The following SYNPR variants were observed in gnomAD, a reference collection of about 807,000 sequenced individuals.
SYNPR encodes synaptoporin.
SYNPR carries 23 observed loss-of-function variants against 32.9 expected under a neutral mutation model. That is an observed-to-expected ratio of 0.70 (90% CI 0.50 to 0.99). The LOEUF (loss-of-function observed/expected upper bound fraction) is 0.99, where lower values mean the gene tolerates loss of function less well. SYNPR is among the 50% of genes least tolerant of loss of function. SYNPR has a pLI of 0.00. For synonymous variants in SYNPR, 146 were observed against 135.9 expected (o/e 1.07, Z -0.52); for missense variants, 318 against 349.3 (o/e 0.91, Z 0.71).
In SYNPR at chr3:63,404,198, A is replaced by T. The variant is rs535282634; in HGVS notation, c.85-76634A>T. ...AGCTGAATGTTAATTAGATGTCAAC[A>T]ATAATTATGGTGATTACGTTTTTTG... On this transcript the variant is annotated intron_variant, in intron 2 of 5. Coordinates refer to ENST00000478300, the MANE Select transcript of SYNPR (RefSeq NM_001130003.2). Among the ~76,000 whole-genome samples, 5 of 152,310 alleles carry T rather than the reference A, an allele frequency of 3.3e-5. No individual in the cohort carries two copies. In the South Asian group the frequency reaches 1.0e-3, roughly 32 times the overall value.
chr3:63,229,889 CTAGTTT>C, intron 1 of SYNPR, among the ~76,000 whole-genome samples: 2 of 152,228 alleles, frequency 1.3e-5, no homozygotes, highest in Middle Eastern at 6.8e-3. Context: ...CATGAAATCA[CTAGTTT>C]TAAAGTCTAG....
intron 4 of SYNPR, among the ~76,000 whole-genome samples, chr3:63,592,358 G>A (rs990571449): frequency 4.6e-5 from 7 of 151,992 alleles, no homozygotes; most frequent in Non-Finnish European, 5.9e-5. Context: ...CCAATATAAC[G>A]AGATTAAAAC....
At chr3:63,409,130 T>C (rs2088427956) in intron 2 of SYNPR, among the ~76,000 whole-genome samples, 1 of 152,136 alleles carries the variant, frequency 6.6e-6, no homozygotes, top group African/African-American at 2.4e-5. Context: ...ATATCATTTG[T>C]TCATTCCTCA....
chr3:63,442,186 T>TGTGTGTGTGC (rs1177348502), intron 2 of SYNPR, among the ~76,000 whole-genome samples: 1 of 140,840 alleles, frequency 7.1e-6, no homozygotes, highest in South Asian at 2.2e-4. Flanking sequence ...TGTGTGTGTG[T>TGTGTGTGTGC]GCACGCATGA....
intron 1 of SYNPR, among the ~76,000 whole-genome samples, chr3:63,243,823 T>C (rs2086265376): frequency 6.6e-6 from 1 of 152,144 alleles, no homozygotes; most frequent in Non-Finnish European, 1.5e-5. Flanking sequence ...ATTTTTCTTT[T>C]GTTTTTTACT....
At chr3:63,522,100 A>C (rs1316324070) in intron 3 of SYNPR, among the ~76,000 whole-genome samples, 1 of 152,238 alleles carries the variant, frequency 6.6e-6, no homozygotes, top group Non-Finnish European at 1.5e-5. Flanking sequence ...ACAATTGTAC[A>C]TAAACTCATG....
chr3:63,596,255 T>C (rs1390756576), intron 4 of SYNPR, among the ~76,000 whole-genome samples: 1 of 147,254 alleles, frequency 6.8e-6, no homozygotes, highest in Non-Finnish European at 1.5e-5. Flanking sequence ...CCTCAATTCC[T>C]TCCCCCCTTC....
intron 3 of SYNPR, among the ~76,000 whole-genome samples, chr3:63,525,041 G>A (rs1238221932): frequency 1.3e-5 from 2 of 152,016 alleles, no homozygotes; most frequent in Admixed American, 6.6e-5. Context: ...GATTCAGATA[G>A]CACCACTAAA....
chr3:63,319,785 A>G (rs1455967251), intron 2 of SYNPR, among the ~76,000 whole-genome samples: 3 of 152,012 alleles, frequency 2.0e-5, no homozygotes, highest in Non-Finnish European at 2.9e-5. Context: ...CTAAAATTTA[A>G]AAAGAAATTG....
chr3:63,231,105 A>T (rs1267726778), intron 1 of SYNPR, among the ~76,000 whole-genome samples: 1 of 152,218 alleles, frequency 6.6e-6, no homozygotes, highest in Non-Finnish European at 1.5e-5. Flanking sequence ...CTAAGTGCCC[A>T]TCGACCAACA....
chr3:63,264,144 T>C (rs1348852664), intron 2 of SYNPR, among the ~76,000 whole-genome samples: 1 of 152,152 alleles, frequency 6.6e-6, no homozygotes, highest in Non-Finnish European at 1.5e-5. Flanking sequence ...GTGATTAGTG[T>C]ATATAAAACT....
intron 2 of SYNPR, among the ~76,000 whole-genome samples, chr3:63,385,525 T>C (rs991198558): frequency 1.3e-5 from 2 of 152,234 alleles, no homozygotes; most frequent in Non-Finnish European, 2.9e-5. Context: ...TGTGAAAATC[T>C]AATGAAACAA....
chr3:63,302,145 T>G (rs2086864544), intron 2 of SYNPR, among the ~76,000 whole-genome samples: 1 of 152,122 alleles, frequency 6.6e-6, no homozygotes, highest in Non-Finnish European at 1.5e-5. Context: ...CAGGATTATT[T>G]CAAATTCTCC....
chr3:63,206,565 A>C, the SYNPR span, among the ~76,000 whole-genome samples: 1 of 152,208 alleles, frequency 6.6e-6, no homozygotes, highest in Non-Finnish European at 1.5e-5. Flanking sequence ...TGTCTCAAAA[A>C]AAAAGAAAAG....
chr3:63,343,814 AG>A (rs1328233343), intron 2 of SYNPR, among the ~76,000 whole-genome samples: 2 of 152,258 alleles, frequency 1.3e-5, no homozygotes, highest in Admixed American at 6.5e-5. Context: ...AGAGATAACA[AG>A]GGTACAGTTT....
chr3:63,258,254 T>C (rs1336743809), intron 2 of SYNPR, among the ~76,000 whole-genome samples: 1 of 152,134 alleles, frequency 6.6e-6, no homozygotes, highest in Non-Finnish European at 1.5e-5. Context: ...CCACCCCAAT[T>C]CAACAGAATA....
intron 2 of SYNPR, among the ~76,000 whole-genome samples, chr3:63,282,953 A>C (rs546958304): frequency 6.6e-6 from 1 of 152,184 alleles, no homozygotes; most frequent in Non-Finnish European, 1.5e-5. Flanking sequence ...CGTGTGTGCA[A>C]TTTGTATGAA....
At chr3:63,589,752 C>A (rs1191605022) in intron 4 of SYNPR, among the ~76,000 whole-genome samples, 1 of 133,642 alleles carries the variant, frequency 7.5e-6, no homozygotes, top group Non-Finnish European at 1.6e-5. Context: ...CAAAATTCAA[C>A]AACCCTTCAT....
chr3:63,260,376 T>C lies in SYNPR; in HGVS notation n.155-6941T>C, dbSNP rs183828178. Among the ~76,000 whole-genome samples the C allele has an allele frequency of 8.9e-3, 1,360 of 152,136 alleles. 12 individuals carry two copies. Among genetic ancestry groups the C allele is most frequent in the African/African-American group, 0.031 (1,279 of 41,480 alleles). ...TGGTACTGGTACCAAAACAGAGATATAGACCAATGGAACAGAACAGAGCCC... is the reference window on the plus strand; with the variant it reads ...TGGTACTGGTACCAAAACAGAGATACAGACCAATGGAACAGAACAGAGCCC... On this transcript the variant is annotated intron_variant and non_coding_transcript_variant, in intron 2 of 4. Transcript: ENST00000478456.
Sources: allele counts gnomAD v4.1 joint callset (sites outside exome capture counted in the v4.1 genomes callset), GRCh38; gene constraint gnomAD v4.1.1; transcripts MANE v1.5; gene names NCBI Gene and HGNC (gene_info 2026-07-23, HGNC 2026-07-21).